B3GALT1: variants seen among roughly 807,000 people sequenced by gnomAD.
The protein encoded by B3GALT1 is beta-1,3-galactosyltransferase 1, also known as UDP-Gal:betaGlcNAc beta 1,3-galactosyltransferase, polypeptide 1.
B3GALT1 carries 10 observed loss-of-function variants against 23.2 expected under a neutral mutation model. The ratio of observed to expected loss-of-function variants is 0.43; its 90% CI spans 0.27 to 0.73. B3GALT1 has a LOEUF of 0.73. Among genes scored for constraint, B3GALT1 ranks in the 30% least tolerant of loss-of-function variants. B3GALT1 has a pLI of 0.21. For missense variants in B3GALT1, 299 were observed against 405.4 expected (o/e 0.74, Z 2.25); for synonymous variants, 156 against 141.5 (o/e 1.10, Z -0.73).
intron 1 of B3GALT1, among the ~76,000 whole-genome samples, chr2:167,351,285 G>GAAAAAAAAAAAAAA (rs1559072531): frequency 1.4e-5 from 2 of 147,416 alleles, no homozygotes; most frequent in African/African-American, 5.0e-5. Context: ...AAAAAAAAAC[G>GAAAAAAAAAAAAAA]AAAACAAAAA....
chr2:167,443,537 T>A (rs1249192783), intron 1 of B3GALT1, among the ~76,000 whole-genome samples: 2 of 152,020 alleles, frequency 1.3e-5, no homozygotes, highest in Non-Finnish European at 2.9e-5. Flanking sequence ...TGTGTCCTCT[T>A]TTATTTCGTT....
chr2:167,739,416 A>G (rs1019959939), intron 3 of B3GALT1, among the ~76,000 whole-genome samples: 2 of 152,192 alleles, frequency 1.3e-5, no homozygotes, highest in African/African-American at 4.8e-5. Context: ...GAATTAGGAA[A>G]TATTTGTTCA....
intron 3 of B3GALT1, among the ~76,000 whole-genome samples, chr2:167,655,378 A>G (rs1473204569): frequency 6.6e-6 from 1 of 152,194 alleles, no homozygotes; most frequent in South Asian, 2.1e-4. Flanking sequence ...AGTAAAACTG[A>G]AGAAAGATCC....
intron 1 of B3GALT1, among the ~76,000 whole-genome samples, chr2:167,304,552 C>G (rs181178667): frequency 1.6e-3 from 239 of 152,208 alleles, no homozygotes; most frequent in South Asian, 4.1e-3. Context: ...TAGAACCACT[C>G]TTGGCAACAA....
At chr2:167,811,307 C>A (rs971523949) in intron 3 of B3GALT1, among the ~76,000 whole-genome samples, 2 of 152,202 alleles carry the variant, frequency 1.3e-5, no homozygotes, top group Admixed American at 1.3e-4. Context: ...ATTTCTCTTT[C>A]TACTCATGGC....
rs563554093 is a variant in B3GALT1 at position 167,507,349 on chromosome 2, A to G, written c.-410+17072A>G. Among the ~76,000 whole-genome samples the G allele has an allele frequency of 2.0e-4, 31 of 151,998 alleles. No individual in the cohort carries two copies. The East Asian group carries it at 5.5e-3, about 27-fold the overall frequency. Reference sequence around the variant, plus strand: ...ATGAAACTCCATCTCTACTAAAAAAATACAAAAATTAGCTAGGTGTGGTGG... The same window carrying G: ...ATGAAACTCCATCTCTACTAAAAAAGTACAAAAATTAGCTAGGTGTGGTGG... On this transcript the variant is annotated intron_variant, in intron 2 of 4. Transcript: ENST00000392690.
chr2:167,671,964 C>G (rs1574204517), intron 3 of B3GALT1, among the ~76,000 whole-genome samples: 1 of 151,894 alleles, frequency 6.6e-6, no homozygotes, highest in African/African-American at 2.4e-5. Context: ...CACAGAAATA[C>G]AAAGGATCAT....
chr2:167,377,835 T>G (rs1697788800), intron 1 of B3GALT1, among the ~76,000 whole-genome samples: 1 of 152,172 alleles, frequency 6.6e-6, no homozygotes, highest in African/African-American at 2.4e-5. Context: ...AGGTTAATAT[T>G]AATATGTGAG....
chr2:167,399,397 A>G (rs1207752658), intron 1 of B3GALT1, among the ~76,000 whole-genome samples: 3 of 152,174 alleles, frequency 2.0e-5, no homozygotes, highest in Non-Finnish European at 4.4e-5. Context: ...AAATATAATT[A>G]CAGCCAGTGT....
chr2:167,341,669 A>G (rs771226085), intron 1 of B3GALT1, among the ~76,000 whole-genome samples: 10 of 152,018 alleles, frequency 6.6e-5, no homozygotes, highest in Non-Finnish European at 1.5e-5. Flanking sequence ...CTCAAAAACA[A>G]AAAAAAAGAT....
rs1475113102 is a variant in B3GALT1, at chr2:167,406,383, C to A, written c.-510-83794C>A. ...ACCAGAATTTTTCACCAGCAACAAC[C>A]CAGAACTCAAATATGGGATGAAACA... On this transcript the variant is annotated intron_variant, in intron 1 of 4. Coordinates refer to ENST00000392690, the MANE Select transcript of B3GALT1 (RefSeq NM_020981.4). Among the ~76,000 whole-genome samples the A allele has an allele frequency of 2.0e-5, 3 of 151,992 alleles. No individual in the cohort carries two copies. In the East Asian group the frequency reaches 5.8e-4, roughly 29 times the overall value.
intron 3 of B3GALT1, among the ~76,000 whole-genome samples, chr2:167,769,088 T>C (rs538647173): frequency 6.6e-6 from 1 of 152,154 alleles, no homozygotes; most frequent in African/African-American, 2.4e-5. Context: ...AGGAAAAAAA[T>C]GTATTTGAAA....
At chr2:167,327,122 A>C (rs1696908515) in intron 1 of B3GALT1, among the ~76,000 whole-genome samples, 1 of 152,110 alleles carries the variant, frequency 6.6e-6, no homozygotes, top group Admixed American at 6.5e-5. Flanking sequence ...CTATATGTTT[A>C]ATTTTATACC....
At chr2:167,341,409 C>T (rs1401741806) in intron 1 of B3GALT1, among the ~76,000 whole-genome samples, 1 of 152,160 alleles carries the variant, frequency 6.6e-6, no homozygotes, top group Non-Finnish European at 1.5e-5. Context: ...TACCTGTAAT[C>T]CCAGCACTTT....
intron 3 of B3GALT1, among the ~76,000 whole-genome samples, chr2:167,672,311 T>G (rs1185747499): frequency 6.6e-6 from 1 of 152,068 alleles, no homozygotes; most frequent in Non-Finnish European, 1.5e-5. Context: ...AAAATATTAT[T>G]TTCTCAATTT....
At chr2:167,367,288 T>C (rs1697603275) in intron 1 of B3GALT1, among the ~76,000 whole-genome samples, 1 of 152,142 alleles carries the variant, frequency 6.6e-6, no homozygotes, top group African/African-American at 2.4e-5. Context: ...TAATGTAACT[T>C]AACTATTTTT....
At chr2:167,659,290 C>A (rs1264363046) in intron 3 of B3GALT1, among the ~76,000 whole-genome samples, 1 of 151,066 alleles carries the variant, frequency 6.6e-6, no homozygotes, top group Non-Finnish European at 1.5e-5. Flanking sequence ...TAAATTGTTA[C>A]CCTTTGTCAG....
chr2:167,822,019 C>T (rs922523670), intron 4 of B3GALT1, among the ~76,000 whole-genome samples: 1 of 152,176 alleles, frequency 6.6e-6, no homozygotes, highest in South Asian at 2.1e-4. Flanking sequence ...TACTGTTCCC[C>T]TATCCCCACA....
At chr2:167,476,169 C>G (rs533134167) in intron 1 of B3GALT1, among the ~76,000 whole-genome samples, 25 of 152,242 alleles carry the variant, frequency 1.6e-4, no homozygotes, top group Non-Finnish European at 3.4e-4. Flanking sequence ...CAATTCAACC[C>G]ATAACAACAA....
Sources: gnomAD v4.1 joint callset for allele counts (sites outside exome capture counted in the v4.1 genomes callset) on GRCh38, gnomAD v4.1.1 for gene constraint, MANE v1.5 for transcripts, NCBI Gene and HGNC (gene_info 2026-07-23, HGNC 2026-07-21) for gene names.